Variants in PDE3B observed in about 807,000 individuals in gnomAD.
The protein encoded by PDE3B is cGMP-inhibited 3',5'-cyclic phosphodiesterase 3B.
PDE3B carries 66 observed loss-of-function variants against 116.8 expected under a neutral mutation model. The observed-to-expected ratio is 0.56, with a 90% CI of 0.46 to 0.69. The LOEUF is 0.69. Ranked by LOEUF, PDE3B falls within the 30% of genes least tolerant of loss-of-function variation. The pLI is 0.00. For missense variants in PDE3B, 1,384 were observed against 1,368.1 expected, an observed-to-expected ratio of 1.01 and a Z score of -0.18; for synonymous variants, 595 against 533.6, an observed-to-expected ratio of 1.12 and a Z score of -1.59.
intron 1 of PDE3B, among the ~76,000 whole-genome samples, chr11:14,689,742 T>G (rs1409389900): frequency 6.6e-6 from 1 of 152,124 alleles, no homozygotes; most frequent in East Asian, 1.9e-4. Context: ...TTTGGGGGAT[T>G]TATCATTAAG....
At chr11:14,723,858 G>A (rs1856200160) in intron 1 of PDE3B, among the ~76,000 whole-genome samples, 1 of 152,074 alleles carries the variant, frequency 6.6e-6, no homozygotes, top group South Asian at 2.1e-4. Flanking sequence ...TTATAGCACA[G>A]AAAACAAAAA....
At chr11:14,646,790 T>A (rs1853420333) in intron 1 of PDE3B, among the ~76,000 whole-genome samples, 1 of 152,134 alleles carries the variant, frequency 6.6e-6, no homozygotes, top group African/African-American at 2.4e-5. Context: ...TATATATGTA[T>A]ATAGCTATAC....
chr11:14,682,640 A>T (rs1443880771), intron 1 of PDE3B, among the ~76,000 whole-genome samples: 1 of 152,146 alleles, frequency 6.6e-6, no homozygotes, highest in African/African-American at 2.4e-5. Context: ...AATTTAAAAA[A>T]TATTGAACAG....
chr11:14,876,274 T>G (rs1196639029), downstream of PDE3B, among the ~76,000 whole-genome samples: 1 of 152,076 alleles, frequency 6.6e-6, no homozygotes, highest in Non-Finnish European at 1.5e-5. Flanking sequence ...CCCAGTACTT[T>G]GGGAAGCTGA....
intron 1 of PDE3B, among the ~76,000 whole-genome samples, chr11:14,753,569 T>A (rs115321832): frequency 1.5e-3 from 221 of 152,226 alleles, no homozygotes; most frequent in African/African-American, 4.9e-3. Context: ...AGGTAAATAT[T>A]AGGCTAAACA....
intron 12 of PDE3B, among the ~76,000 whole-genome samples, chr11:14,856,198 T>G (rs1590197442): frequency 6.6e-6 from 1 of 152,212 alleles, no homozygotes; most frequent in Admixed American, 6.5e-5. Context: ...CCTGCTGTCT[T>G]GTGAAGAAGG....
intron 3 of PDE3B, among the ~76,000 whole-genome samples, chr11:14,786,914 A>G (rs2133916824): frequency 6.6e-6 from 1 of 152,106 alleles, no homozygotes; most frequent in East Asian, 1.9e-4. Context: ...ACTATGTATT[A>G]TTATTCTTGT....
chr11:14,843,399 T>G (rs763684424), intron 11 of PDE3B, among the ~76,000 whole-genome samples: 6 of 152,210 alleles, frequency 3.9e-5, no homozygotes, highest in African/African-American at 9.7e-5. Context: ...GTAGAGAAGC[T>G]TAGTTTGGTA....
chr11:14,673,445 CTTTG>C (rs993179991), intron 1 of PDE3B, among the ~76,000 whole-genome samples: 14 of 151,804 alleles, frequency 9.2e-5, no homozygotes, highest in Non-Finnish European at 1.5e-5. Context: ...CTTTTATTTT[CTTTG>C]TTTAAAACAA....
At chr11:14,681,237 G>A (rs1002146474) in intron 1 of PDE3B, among the ~76,000 whole-genome samples, 13 of 152,084 alleles carry the variant, frequency 8.5e-5, no homozygotes, top group Non-Finnish European at 1.9e-4. Flanking sequence ...ATTGTAAGTC[G>A]AGGAGCATAC....
intron 4 of PDE3B, among the ~76,000 whole-genome samples, chr11:14,789,608 A>C (rs1042788312): frequency 3.3e-5 from 5 of 152,054 alleles, no homozygotes; most frequent in African/African-American, 1.2e-4. Context: ...AGGTCTGCAG[A>C]ATTACTGACT....
intron 11 of PDE3B, among the ~76,000 whole-genome samples, chr11:14,837,865 C>T (rs1321060250): frequency 2.0e-5 from 3 of 152,076 alleles, no homozygotes; most frequent in South Asian, 2.1e-4. Flanking sequence ...TCTCACTGCA[C>T]TGGAGAACTA....
At chr11:14,661,574 G>A (rs556539114) in intron 1 of PDE3B, among the ~76,000 whole-genome samples, 33 of 152,300 alleles carry the variant, frequency 2.2e-4, no homozygotes, top group African/African-American at 7.0e-4. Flanking sequence ...GGTGACAGAC[G>A]GCACCTGGAA....
intron 2 of PDE3B, among the ~76,000 whole-genome samples, chr11:14,779,250 T>C (rs931292767): frequency 5.9e-5 from 9 of 152,216 alleles, no homozygotes; most frequent in Non-Finnish European, 1.3e-4. Context: ...CTCTTCAGGA[T>C]ATTATCCAGG....
At chr11:14,745,375 C>A (rs140836635) in intron 1 of PDE3B, among the ~76,000 whole-genome samples, 2 of 152,102 alleles carry the variant, frequency 1.3e-5, no homozygotes, top group Middle Eastern at 3.4e-3. Context: ...TGTTTGTGAT[C>A]TAACTATATT....
intron 1 of PDE3B, among the ~76,000 whole-genome samples, chr11:14,651,519 C>A (rs1443322727): frequency 6.6e-6 from 1 of 152,214 alleles, no homozygotes; most frequent in East Asian, 1.9e-4. Flanking sequence ...TAAATTGATA[C>A]ATTTATATTT....
intron 1 of PDE3B, among the ~76,000 whole-genome samples, chr11:14,730,914 A>C (rs1008706332): frequency 6.6e-6 from 1 of 152,148 alleles, no homozygotes; most frequent in Non-Finnish European, 1.5e-5. Context: ...ATAAAACTGA[A>C]TCATAGAGAG....
intron 11 of PDE3B, among the ~76,000 whole-genome samples, chr11:14,837,549 A>T (rs568923319): frequency 2.0e-4 from 31 of 152,302 alleles, no homozygotes; most frequent in African/African-American, 7.0e-4. Flanking sequence ...GTTTCCAATA[A>T]CATGTTTCTC....
intron 14 of PDE3B, among the ~76,000 whole-genome samples, chr11:14,865,686 T>G (rs1555007937): frequency 6.6e-6 from 1 of 152,200 alleles, no homozygotes; most frequent in Non-Finnish European, 1.5e-5. Context: ...TATATTTACC[T>G]AATTTGTAAG....
Sources: allele counts gnomAD v4.1 joint callset (sites outside exome capture counted in the v4.1 genomes callset), GRCh38; gene constraint gnomAD v4.1.1; transcripts MANE v1.5; gene names NCBI Gene and HGNC (gene_info 2026-07-23, HGNC 2026-07-21).